Variants in ST7 observed in about 807,000 individuals in gnomAD.
The protein encoded by ST7 is suppressor of tumorigenicity 7 protein.
ST7 carries 28 observed loss-of-function variants against 78.7 expected under a neutral mutation model. The ratio of observed to expected loss-of-function variants is 0.36; its 90% CI spans 0.26 to 0.49. The LOEUF is 0.49. ST7 is among the 20% of genes least tolerant of loss of function. The pLI is 0.99. For synonymous variants in ST7, 247 were observed against 249.6 expected (o/e 0.99, Z 0.10); for missense variants, 418 against 696.0 (o/e 0.60, Z 4.49).
chr7:117,188,773 T>TATATATCCTC (rs147832271), intron 10 of ST7, among the ~76,000 whole-genome samples: 13,030 of 151,936 alleles, frequency 0.086, 860 homozygotes, highest in East Asian at 0.2. Context: ...GACATATATA[T>TATATATCCTC]AACTTGGACT....
intron 9 of ST7, among the ~76,000 whole-genome samples, chr7:117,151,978 G>A (rs1219465981): frequency 6.6e-6 from 1 of 151,428 alleles, no homozygotes; most frequent in Non-Finnish European, 1.5e-5. Flanking sequence ...AAATTAGCCG[G>A]TGTGGTGGCA....
rs190474777 is a variant in ST7, at chr7:117,162,119, T to A, written c.964-8743T>A. ...CTGACTACTGGGGTTCTAAGTATAA[T>A]TTGCTCTCATTTTTATGAATTGCCT... On this transcript the variant is annotated intron_variant, in intron 9 of 15. Coordinates refer to ENST00000323984, the MANE Select transcript of ST7 (RefSeq NM_001369598.1). Among the ~76,000 whole-genome samples the A allele has an allele frequency of 2.7e-3, 416 of 152,294 alleles. 5 individuals carry two copies. The highest frequency in any genetic ancestry group is 9.5e-3 in the African/African-American group (396 of 41,568).
At chr7:117,121,831 A>G (rs1165489012) in intron 3 of ST7, among the ~76,000 whole-genome samples, 2 of 151,892 alleles carry the variant, frequency 1.3e-5, no homozygotes, top group African/African-American at 4.8e-5. Context: ...GTACTTAGAA[A>G]ATGTTTACTG....
At chr7:117,026,755 G>C (rs1229478258) in intron 1 of ST7, among the ~76,000 whole-genome samples, 1 of 152,196 alleles carries the variant, frequency 6.6e-6, no homozygotes, top group East Asian at 1.9e-4. Flanking sequence ...GGCCTTTGGG[G>C]GCCTGGATAT....
Position 117,219,291 on chromosome 7 carries a change from C to G in ST7, c.1498+115C>G. The G allele has an allele frequency of 1.2e-6, 1 of 862,470 alleles. No homozygotes were observed. The highest frequency in any genetic ancestry group is 1.7e-5 in the African/African-American group (1 of 58,674). The allele number at this position is 862,470 out of a possible 1,614,324, so 53.4% of individuals were successfully genotyped here. On this transcript the variant is annotated intron_variant, in intron 14 of 15. Coordinates refer to ENST00000323984, the MANE Select transcript of ST7 (RefSeq NM_001369598.1). The surrounding 1 kb of genome is among the most constrained non-coding windows in gnomAD (Gnocchi z 5.1). ...TGTCTTTTATTACTTTTCTCCAAAC[C>G]CCTGTCCTTGTTTGATAGCATATGT...
Position 117,229,808 on chromosome 7 carries a change from T to G in ST7, c.1685T>G (p.Val562Gly). The G allele has an allele frequency of 6.2e-7, 1 of 1,613,968 alleles. No individual in the cohort carries two copies. Among genetic ancestry groups the G allele is most frequent in the Non-Finnish European group, 8.5e-7 (1 of 1,180,006 alleles). Reference sequence around the variant, plus strand: ...CCCTTAAACTTTGTCATGGAGAAAGTGGAGAGCATCCTCCCATCCAGTCTG... The same window carrying G: ...CCCTTAAACTTTGTCATGGAGAAAGGGGAGAGCATCCTCCCATCCAGTCTG... ...FAPLNFVMEK[V>G]ESILPSSLWH... The change falls in exon 16 of 16, where the codon GTG (valine) becomes GGG (glycine). Residue 562 changes from valine to glycine, a missense_variant. Around this residue, in one of 4 missense-constraint regions of ST7, gnomAD observed 288 missense variants for 537.1 expected, o/e 0.54. Coordinates refer to ENST00000323984, the MANE Select transcript of ST7 (RefSeq NM_001369598.1).
intron 1 of ST7, chr7:117,015,006 AT>A: frequency 7.5e-7 from 1 of 1,337,874 alleles, no homozygotes; most frequent in Non-Finnish European, 9.8e-7. Flanking sequence ...TTCATTATGG[AT>A]TATACAGGTA....
intron 1 of ST7, chr7:117,073,213 A>AG (rs1799100322): frequency 6.6e-6 from 1 of 152,228 alleles, no homozygotes; most frequent in Non-Finnish European, 1.5e-5. Context: ...TAGACTATTT[A>AG]ACCACATCTG....
intron 2 of ST7, among the ~76,000 whole-genome samples, chr7:117,110,036 C>G (rs565608612): frequency 1.3e-5 from 2 of 152,298 alleles, no homozygotes; most frequent in East Asian, 3.9e-4. Context: ...TAAATAGAGG[C>G]AACTTCAGAC....
rs147832271 is a variant in ST7 at position 117,188,773 on chromosome 7, T to TATATATATATATATATCCTC, written c.1079-547_1079-546insTATATATATATATATCCTCA. Among the ~76,000 whole-genome samples the TATATATATATATATATCCTC allele has an allele frequency of 3.5e-3, 536 of 151,968 alleles. 5 individuals are homozygous for TATATATATATATATATCCTC. Among genetic ancestry groups the TATATATATATATATATCCTC allele is most frequent in the African/African-American group, 0.012 (511 of 41,292 alleles). On this transcript the variant is annotated intron_variant, in intron 10 of 15. Transcript: ENST00000323984. ...TTTATTTATATATTAGACATATATATAACTTGGACTTTTACATTTTTAACA... is the reference window on the plus strand; with the variant it reads ...TTTATTTATATATTAGACATATATATATATATATATATATATCCTCAACTTGGACTTTTACATTTTTAACA...
chr7:117,106,046 C>A (rs111227456), intron 2 of ST7, among the ~76,000 whole-genome samples: 1 of 151,874 alleles, frequency 6.6e-6, no homozygotes, highest in East Asian at 1.9e-4. Context: ...GGCCAGACTG[C>A]GGACTGCAGT....
chr7:116,967,004 C>T (rs988225132), intron 1 of ST7, among the ~76,000 whole-genome samples: 2 of 152,108 alleles, frequency 1.3e-5, no homozygotes, highest in African/African-American at 4.8e-5. Context: ...TAATGTATCA[C>T]TTGTTACTTT....
intron 1 of ST7, among the ~76,000 whole-genome samples, chr7:116,970,490 G>T (rs1418329888): frequency 2.0e-5 from 3 of 152,222 alleles, no homozygotes; most frequent in African/African-American, 7.2e-5. Flanking sequence ...CTGGTTTGCA[G>T]ATGGCCTTCT....
intron 12 of ST7, among the ~76,000 whole-genome samples, chr7:117,203,264 C>A (rs1811046645): frequency 6.6e-6 from 1 of 152,198 alleles, no homozygotes; most frequent in Non-Finnish European, 1.5e-5. Context: ...TTGCCACTTC[C>A]AACTGTGTAA....
chr7:116,967,299 G>T (rs765432853), intron 1 of ST7: 2 of 471,138 alleles, frequency 4.2e-6, no homozygotes, highest in South Asian at 1.5e-5. Flanking sequence ...ACCCGCAGTG[G>T]TGGTGGCCAT....
intron 1 of ST7, among the ~76,000 whole-genome samples, chr7:117,078,967 A>G (rs1799554813): frequency 6.6e-6 from 1 of 152,120 alleles, no homozygotes; most frequent in Non-Finnish European, 1.5e-5. Flanking sequence ...TCTTCAATAA[A>G]TCTATGTGTT....
intron 1 of ST7, among the ~76,000 whole-genome samples, chr7:117,053,367 A>G (rs1327997999): frequency 4.6e-5 from 7 of 152,212 alleles, no homozygotes. Flanking sequence ...AAGGTGCCAG[A>G]GTTAAACACG....
intron 1 of ST7, among the ~76,000 whole-genome samples, chr7:116,980,145 G>C (rs1793892258): frequency 6.6e-6 from 1 of 151,636 alleles, no homozygotes; most frequent in South Asian, 2.1e-4. Context: ...TTTTAGTAGA[G>C]ACGGAGTTTC....
At chr7:116,998,659 G>A (rs1794791625) in intron 1 of ST7, among the ~76,000 whole-genome samples, 1 of 152,252 alleles carries the variant, frequency 6.6e-6, no homozygotes, top group Non-Finnish European at 1.5e-5. Flanking sequence ...CATTTACTAT[G>A]TGCCAGACAC....
Sources: allele counts gnomAD v4.1 joint callset (sites outside exome capture counted in the v4.1 genomes callset), GRCh38; gene constraint gnomAD v4.1.1; regional missense constraint gnomAD v4.1.1; non-coding constraint Gnocchi (gnomAD v3.1); transcripts MANE v1.5; gene names NCBI Gene and HGNC (gene_info 2026-07-23, HGNC 2026-07-21).